GADL1: variants seen among roughly 807,000 people sequenced by gnomAD.
GADL1 encodes acidic amino acid decarboxylase GADL1.
In GADL1, 71 loss-of-function variants were observed where a neutral mutation model predicts 69.5. The observed-to-expected ratio is 1.02, with a 90% confidence interval of 0.84 to 1.25. The LOEUF is 1.25. Among genes scored for constraint, GADL1 ranks in the 50% most tolerant of loss-of-function variants. The probability of loss-of-function intolerance (pLI) is 0.00; values close to 1 mark genes in which losing one functional copy is unlikely to be tolerated. For synonymous variants in GADL1, 254 were observed against 214.4 expected, an observed-to-expected ratio of 1.18 and a Z score of -1.62; for missense variants, 737 against 631.8, an observed-to-expected ratio of 1.17 and a Z score of -1.79.
At chr3:30,865,823 G>A (rs1224342883) in intron 1 of GADL1, among the ~76,000 whole-genome samples, 1 of 151,830 alleles carries the variant, frequency 6.6e-6, no homozygotes, top group African/African-American at 2.4e-5. Context: ...AGAAGTCAGC[G>A]CACGGACCAC....
chr3:30,796,303 G>T (rs538735564), intron 12 of GADL1, among the ~76,000 whole-genome samples: 12 of 152,132 alleles, frequency 7.9e-5, no homozygotes, highest in Non-Finnish European at 1.6e-4. Context: ...ATGGTAGACC[G>T]TAGACTGTCT....
At chr3:30,735,724 G>T (rs569289865) in intron 14 of GADL1, among the ~76,000 whole-genome samples, 1 of 152,254 alleles carries the variant, frequency 6.6e-6, no homozygotes, top group African/African-American at 2.4e-5. Flanking sequence ...AACACCAGCA[G>T]ACAATAAATT....
intron 1 of GADL1, among the ~76,000 whole-genome samples, chr3:30,875,817 G>A (rs138110079): frequency 2.8e-3 from 420 of 151,922 alleles, no homozygotes; most frequent in Non-Finnish European, 5.0e-3. Context: ...CCAGCATATT[G>A]CAGTTTATCC....
At chr3:30,786,795 G>A (rs1696800546) in intron 12 of GADL1, among the ~76,000 whole-genome samples, 1 of 152,090 alleles carries the variant, frequency 6.6e-6, no homozygotes, top group Non-Finnish European at 1.5e-5. Context: ...GTTTTGTTTT[G>A]TTTTGTTTTT....
Position 30,878,312 on chromosome 3 carries a change from A to G in GADL1, c.37+16266T>C, listed in dbSNP as rs949801685. 3.9e-5 allele frequency among the ~76,000 whole-genome samples: 6 copies of G among 151,934 alleles called. No individual in the cohort carries two copies. In the South Asian group the frequency reaches 8.3e-4, roughly 21 times the overall value. ...ACCATTTCTAAAAGTGGTCCTTATT[A>G]GTGCTCTTCAGAACCATAAATTTCT... On this transcript the variant is annotated intron_variant, in intron 1 of 14. Transcript: ENST00000282538.
intron 11 of GADL1, among the ~76,000 whole-genome samples, chr3:30,811,468 A>AT (rs1280112993): frequency 1.3e-5 from 2 of 152,114 alleles, no homozygotes; most frequent in Admixed American, 6.6e-5. Flanking sequence ...AGATTTTTCG[A>AT]TTTTCCCTAG....
intron 14 of GADL1, among the ~76,000 whole-genome samples, chr3:30,732,820 C>T (rs1310991948): frequency 6.6e-6 from 1 of 152,080 alleles, no homozygotes; most frequent in African/African-American, 2.4e-5. Flanking sequence ...TACTTTGGGA[C>T]GCCAAGGCGG....
At chr3:30,853,667 T>A (rs1261933334) in intron 4 of GADL1, among the ~76,000 whole-genome samples, 1 of 152,194 alleles carries the variant, frequency 6.6e-6, no homozygotes, top group East Asian at 1.9e-4. Flanking sequence ...TGAACCTAGC[T>A]ATGAAAGCCA....
intron 14 of GADL1, among the ~76,000 whole-genome samples, chr3:30,744,038 G>A (rs992389333): frequency 2.0e-5 from 3 of 152,148 alleles, no homozygotes; most frequent in African/African-American, 7.2e-5. Flanking sequence ...ATACACCTTT[G>A]TATTATAAAC....
intron 14 of GADL1, among the ~76,000 whole-genome samples, chr3:30,755,736 A>G (rs573558586): frequency 6.7e-6 from 1 of 148,346 alleles, no homozygotes; most frequent in South Asian, 2.1e-4. Context: ...TTCAATAAAT[A>G]ATTGTTAAAC....
intron 11 of GADL1, among the ~76,000 whole-genome samples, chr3:30,818,519 C>T (rs1447000372): frequency 6.6e-6 from 1 of 151,950 alleles, no homozygotes; most frequent in African/African-American, 2.4e-5. Flanking sequence ...TTTCTGCCTC[C>T]CCTTGTTCTC....
chr3:30,878,328 A>G (rs1698603085), intron 1 of GADL1, among the ~76,000 whole-genome samples: 1 of 151,956 alleles, frequency 6.6e-6, no homozygotes, highest in Non-Finnish European at 1.5e-5. Context: ...CTTCAGAACC[A>G]TAAATTTCTA....
At chr3:30,833,756 C>T (rs540191814) in intron 11 of GADL1, 97 bp downstream of exon 11, 22 of 783,680 alleles carry the variant, frequency 2.8e-5, no homozygotes, top group South Asian at 8.8e-5. Context: ...ATTTACGCCT[C>T]GCCCAAGTCA....
intron 14 of GADL1, among the ~76,000 whole-genome samples, chr3:30,740,796 T>C (rs892897182): frequency 9.3e-5 from 14 of 151,024 alleles, no homozygotes; most frequent in African/African-American, 3.2e-4. Flanking sequence ...AAAAACCCTT[T>C]ATTATTAAGA....
At chr3:30,846,973 C>A (rs745871810) in intron 6 of GADL1, among the ~76,000 whole-genome samples, 10 of 152,200 alleles carry the variant, frequency 6.6e-5, no homozygotes, top group African/African-American at 9.6e-5. Flanking sequence ...CCATTGATTA[C>A]TGGCCTGGGA....
intron 1 of GADL1, among the ~76,000 whole-genome samples, chr3:30,879,660 T>C (rs1438722548): frequency 6.6e-6 from 1 of 151,948 alleles, no homozygotes; most frequent in Non-Finnish European, 1.5e-5. Flanking sequence ...TCTCTCTTGC[T>C]TAATCCTTCT....
At chr3:30,863,027 T>TCTCACACACACA (rs1553603176) in intron 1 of GADL1, among the ~76,000 whole-genome samples, 1 of 110,142 alleles carries the variant, frequency 9.1e-6, no homozygotes, top group African/African-American at 2.7e-5. Flanking sequence ...CATGTCTGTT[T>TCTCACACACACA]CACACACACA....
chr3:30,870,284 A>G (rs1223918887), intron 1 of GADL1, among the ~76,000 whole-genome samples: 1 of 151,860 alleles, frequency 6.6e-6, no homozygotes, highest in Non-Finnish European at 1.5e-5. Flanking sequence ...TCTGAACAGA[A>G]GATATCTGAA....
chr3:30,812,148 G>T (rs1021283251), intron 11 of GADL1, among the ~76,000 whole-genome samples: 1 of 152,108 alleles, frequency 6.6e-6, no homozygotes, highest in Non-Finnish European at 1.5e-5. Flanking sequence ...GCTTTATTCC[G>T]TGCAACCCAA....
Sources: gnomAD v4.1 joint callset for allele counts (sites outside exome capture counted in the v4.1 genomes callset) on GRCh38, gnomAD v4.1.1 for gene constraint, MANE v1.5 for transcripts, NCBI Gene and HGNC (gene_info 2026-07-23, HGNC 2026-07-21) for gene names.